Variants in PALS2 observed in about 807,000 individuals in gnomAD.
The protein encoded by PALS2 is protein associated with LIN7 2, MAGUK p55 family member.
PALS2 carries 27 observed loss-of-function variants against 61.6 expected under a neutral mutation model. That is an observed-to-expected ratio of 0.44 (90% CI 0.32 to 0.60). The LOEUF (loss-of-function observed/expected upper bound fraction) is 0.60. Ranked by LOEUF, PALS2 falls within the 20% of genes least tolerant of loss-of-function variation. The probability of loss-of-function intolerance (pLI) is 0.05; values close to 1 mark genes in which losing one functional copy is unlikely to be tolerated. For missense variants in PALS2, 554 were observed against 639.4 expected, an observed-to-expected ratio of 0.87 and a Z score of 1.44; for synonymous variants, 236 against 218.6, an observed-to-expected ratio of 1.08 and a Z score of -0.70.
In PALS2 at chr7:24,666,085, T is replaced by C. The variant is rs763103266; in HGVS notation, c.948T>C (p.Asn316=). ...AGATGATGTATCTCACAACCAGAAA[T>C]GCAGGTAGGTTTTAAATACTTTTTG... The part of the protein sequence containing the change: ...KKKMMYLTTR[N]AEFDRHEIQI... The change falls in exon 8 of 12, where the codon AAT becomes AAC. Residue 316 remains asparagine, a synonymous_variant. Transcript: ENST00000222644. 3.0e-5 allele frequency: 49 copies of C among 1,609,770 alleles called. No homozygotes were observed. Among genetic ancestry groups the C allele is most frequent in the Non-Finnish European group, 3.8e-5 (45 of 1,177,182 alleles).
intron 5 of PALS2, among the ~76,000 whole-genome samples, chr7:24,655,630 ATTTTT>A (rs770410952): frequency 1.3e-4 from 13 of 96,926 alleles, no homozygotes; most frequent in African/African-American, 4.4e-4. Context: ...TAGTTAGTAG[ATTTTT>A]TTTTTTTTTT....
rs537095367 is a variant in PALS2 at position 24,682,042 on chromosome 7, C to G, written c.1446+1522C>G. Among the ~76,000 whole-genome samples, 3 of 152,210 alleles carry G rather than the reference C, an allele frequency of 2.0e-5. No individual in the cohort carries two copies. The South Asian group carries it at 6.2e-4, about 32-fold the overall frequency. On this transcript the variant is annotated intron_variant, in intron 11 of 11. Transcript: ENST00000222644. Reference sequence around the variant, plus strand: ...GCTTCTTTGCAATCCTGGGAACTTTCTTTGGATGCCAGACATTGTGAGCTT... The same window carrying G: ...GCTTCTTTGCAATCCTGGGAACTTTGTTTGGATGCCAGACATTGTGAGCTT...
intron 1 of PALS2, among the ~76,000 whole-genome samples, chr7:24,587,077 G>C (rs1258834556): frequency 6.6e-6 from 1 of 150,438 alleles, no homozygotes; most frequent in Non-Finnish European, 1.5e-5. Flanking sequence ...TTTTAAATAA[G>C]TTGTTATGGC....
chr7:24,595,523 AT>A (rs1439835127), intron 1 of PALS2, among the ~76,000 whole-genome samples: 1 of 129,492 alleles, frequency 7.7e-6, no homozygotes. Flanking sequence ...TATAATATAT[AT>A]AATATATAAT....
chr7:24,645,241 C>G (rs1438287304), intron 3 of PALS2, among the ~76,000 whole-genome samples: 4 of 151,684 alleles, frequency 2.6e-5, no homozygotes, highest in Non-Finnish European at 4.4e-5. Context: ...CGCAGGTTGT[C>G]TTCTGGGGTT....
chr7:24,637,245 T>C (rs1451616183), intron 2 of PALS2, among the ~76,000 whole-genome samples: 1 of 151,870 alleles, frequency 6.6e-6, no homozygotes, highest in Non-Finnish European at 1.5e-5. Context: ...ATTTCTGATA[T>C]GTTCTTTACT....
intron 3 of PALS2, among the ~76,000 whole-genome samples, chr7:24,646,970 T>A (rs1202597703): frequency 6.6e-6 from 1 of 152,076 alleles, no homozygotes; most frequent in Non-Finnish European, 1.5e-5. Flanking sequence ...ATGGTTGTTT[T>A]TATTTCTGTG....
chr7:24,658,642 C>T (rs1447823452), intron 5 of PALS2, among the ~76,000 whole-genome samples: 1 of 151,724 alleles, frequency 6.6e-6, no homozygotes, highest in Non-Finnish European at 1.5e-5. Context: ...CTGCAACCCC[C>T]ACCTCCTGGG....
At position 24,615,074 on chromosome 7, in the gene PALS2, T is replaced by A. The variant is rs1175675616; in HGVS notation, c.-2-8592T>A. Among the ~76,000 whole-genome samples the A allele has an allele frequency of 2.6e-5, 4 of 151,904 alleles. No individual in the cohort carries two copies. In the East Asian group the frequency reaches 5.8e-4, roughly 22 times the overall value. ...GAATGAAGAAATTTAAAAGGAAATT[T>A]AAAAATTCCTTGAAACAAATAAAAA... On this transcript the variant is annotated intron_variant, in intron 1 of 11. Transcript: ENST00000222644.
Position 24,647,952 on chromosome 7 carries a change from GT to G in PALS2, c.271-1659del, listed in dbSNP as rs1354501662. 2.0e-5 allele frequency among the ~76,000 whole-genome samples: 3 copies of G among 152,300 alleles called. No individual in the cohort carries two copies. In the East Asian group the frequency reaches 5.8e-4, roughly 29 times the overall value. On this transcript the variant is annotated intron_variant, in intron 3 of 11. Coordinates refer to ENST00000222644, the MANE Select transcript of PALS2 (RefSeq NM_001303037.2). ...AAATTTAAGAGTTGTCAATGCATAA[GT>G]AGTGGCTCAAGTCACAGGAGTAAAT... is the stretch of plus-strand genomic sequence containing the variant.
chr7:24,665,350 G>A, intron 6 of PALS2, among the ~76,000 whole-genome samples: 1 of 152,098 alleles, frequency 6.6e-6, no homozygotes, highest in East Asian at 1.9e-4. Flanking sequence ...AATTTAATTT[G>A]TATTTTGGTC....
intron 1 of PALS2, among the ~76,000 whole-genome samples, chr7:24,600,805 T>G (rs1303451727): frequency 6.6e-6 from 1 of 152,218 alleles, no homozygotes; most frequent in Non-Finnish European, 1.5e-5. Context: ...GATGACTTTG[T>G]CTTCTCCAGG....
intron 2 of PALS2, among the ~76,000 whole-genome samples, chr7:24,638,591 A>G (rs1349056051): frequency 4.5e-5 from 2 of 44,932 alleles, no homozygotes; most frequent in Non-Finnish European, 6.8e-5. Context: ...TCGGCCTCCC[A>G]AAGTGCTGGG....
At chr7:24,672,061 G>A (rs116708313) in intron 9 of PALS2, among the ~76,000 whole-genome samples, 2,407 of 149,860 alleles carry the variant, frequency 0.016, 77 homozygotes, top group African/African-American at 0.056. Flanking sequence ...TAAGCTTCCA[G>A]TTTCTGCAGA....
At chr7:24,673,914 C>T (rs1327977528) in intron 9 of PALS2, among the ~76,000 whole-genome samples, 1 of 151,902 alleles carries the variant, frequency 6.6e-6, no homozygotes, top group Non-Finnish European at 1.5e-5. Context: ...CTATAAATTT[C>T]CCTCTAAGCA....
At chr7:24,669,413 A>G (rs185679889) in intron 9 of PALS2, among the ~76,000 whole-genome samples, 54 of 152,336 alleles carry the variant, frequency 3.5e-4, no homozygotes, top group African/African-American at 1.1e-3. Flanking sequence ...TGTAGGGACT[A>G]ATAAACATTT....
chr7:24,691,330 G>T lies in PALS2; in HGVS notation c.*3716G>T, dbSNP rs569835454. The T allele has an allele frequency of 2.7e-5, 4 of 148,074 alleles. No homozygotes were observed. The highest frequency in any genetic ancestry group is 6.0e-5 in the Non-Finnish European group (4 of 67,222). 9.2% of individuals were successfully genotyped at this position (148,074 alleles called of 1,614,324 possible). ...TAAACATGAAAAAGGCAATCCTGAAGTTTTATGTACATAGATAGCAGTTCA... is the reference window on the plus strand; with the variant it reads ...TAAACATGAAAAAGGCAATCCTGAATTTTTATGTACATAGATAGCAGTTCA... On this transcript the variant is annotated 3_prime_UTR_variant, in exon 12 of 12. Transcript: ENST00000222644.
intron 2 of PALS2, among the ~76,000 whole-genome samples, chr7:24,633,358 T>TG (rs1343460356): frequency 6.6e-6 from 1 of 150,826 alleles, no homozygotes; most frequent in African/African-American, 2.4e-5. Context: ...GAGTTTTTTT[T>TG]TTTTTTTTTT....
In PALS2 at chr7:24,650,731, G is replaced by A; in HGVS notation, c.651+19G>A. ...TCAACAGGTTAGTAATAAAATTTTT[G>A]GTAGTATTAAAAATACTTTCATGTT... On this transcript the variant is annotated intron_variant, in intron 5 of 11. Coordinates refer to ENST00000222644, the MANE Select transcript of PALS2 (RefSeq NM_001303037.2). 1 of 1,440,460 alleles carries A rather than the reference G, an allele frequency of 6.9e-7. No individual in the cohort carries two copies. Among genetic ancestry groups the A allele is most frequent in the South Asian group, 1.3e-5 (1 of 74,224 alleles). The allele number at this position is 1,440,460 out of a possible 1,614,324, so 89.2% of individuals were successfully genotyped here. A position where few individuals can be genotyped will look rare whatever the true frequency, so the allele number is the denominator to read the frequency against.
Sources: allele counts gnomAD v4.1 joint callset (sites outside exome capture counted in the v4.1 genomes callset), GRCh38; gene constraint gnomAD v4.1.1; transcripts MANE v1.5; gene names NCBI Gene and HGNC (gene_info 2026-07-23, HGNC 2026-07-21).